MYOM1: variants seen among roughly 807,000 people sequenced by gnomAD.
MYOM1 encodes the protein myomesin 1, also known as myomesin-1.
A neutral mutation model predicts 205.3 loss-of-function variants in MYOM1; 164 were observed. The ratio of observed to expected loss-of-function variants is 0.80; its 90% confidence interval spans 0.70 to 0.91. The LOEUF is 0.91. Ranked by LOEUF, MYOM1 falls within the 40% of genes least tolerant of loss-of-function variation. The pLI is 0.00. For missense variants in MYOM1, 2,011 were observed against 2,127.3 expected (o/e 0.95, Z 1.08); for synonymous variants, 772 against 789.4 (o/e 0.98, Z 0.37).
At chr18:3,197,684 T>C (rs62076894) in intron 2 of MYOM1, among the ~76,000 whole-genome samples, 6,828 of 151,670 alleles carry the variant, frequency 0.045, 225 homozygotes, top group Middle Eastern at 0.078. Flanking sequence ...CCATCCTAGC[T>C]AACATGGTGA....
At chr18:3,140,491 C>T (rs911361685) in intron 14 of MYOM1, among the ~76,000 whole-genome samples, 3 of 151,804 alleles carry the variant, frequency 2.0e-5, no homozygotes, top group South Asian at 2.1e-4. Flanking sequence ...TAAATATTGT[C>T]TTTGTAAAAC....
chr18:3,116,255 TTTATC>T (rs2079603137), intron 21 of MYOM1, 71 bp downstream of exon 21: 1 of 1,451,390 alleles, frequency 6.9e-7, no homozygotes, highest in African/African-American at 1.4e-5. Context: ...GATATTCTGT[TTTATC>T]TTGCTAACTT....
intron 37 of MYOM1, among the ~76,000 whole-genome samples, chr18:3,068,519 C>T (rs1469026859): frequency 6.6e-6 from 1 of 152,052 alleles, no homozygotes; most frequent in African/African-American, 2.4e-5. Flanking sequence ...CTTTTATACC[C>T]ACACCCACCT....
chr18:3,185,906 A>G (rs2080802196), intron 5 of MYOM1, among the ~76,000 whole-genome samples: 1 of 152,198 alleles, frequency 6.6e-6, no homozygotes. Context: ...CTTAAGAACA[A>G]CCTTAGAAGC....
intron 2 of MYOM1, among the ~76,000 whole-genome samples, chr18:3,195,794 A>G (rs2080984864): frequency 6.6e-6 from 1 of 151,978 alleles, no homozygotes. Context: ...TTTATTACAT[A>G]GAATGTGCCA....
At chr18:3,133,586 T>C (rs1315553259) in intron 16 of MYOM1, among the ~76,000 whole-genome samples, 1 of 152,232 alleles carries the variant, frequency 6.6e-6, no homozygotes, top group Non-Finnish European at 1.5e-5. Context: ...AAAATTTCGA[T>C]ACTTTTTTCT....
At chr18:3,139,570 A>G (rs1306820560) in intron 14 of MYOM1, among the ~76,000 whole-genome samples, 1 of 152,208 alleles carries the variant, frequency 6.6e-6, no homozygotes, top group African/African-American at 2.4e-5. Flanking sequence ...TTCCCTTTAG[A>G]AAGGTTAGCA....
chr18:3,217,634 C>T (rs1453429152), intron 1 of MYOM1, among the ~76,000 whole-genome samples: 1 of 151,986 alleles, frequency 6.6e-6, no homozygotes, highest in Non-Finnish European at 1.5e-5. Context: ...TAGGTGAGAA[C>T]CATTGTACAC....
rs2079247985 is a variant in MYOM1 at position 3,093,024 on chromosome 18, C to T, written c.3864+1146G>A. The stretch of plus-strand genomic sequence containing the variant: ...CTGACCAGGTGGTGATCACAGCAGT[C>T]GAGGGAACATTTTGAAAGTGGAGAG... On this transcript the variant is annotated intron_variant, in intron 26 of 37. Coordinates refer to ENST00000356443, the MANE Select transcript of MYOM1 (RefSeq NM_003803.4). 1.3e-5 allele frequency among the ~76,000 whole-genome samples: 2 copies of T among 152,032 alleles called. 1 individual carries two copies. The highest frequency in any genetic ancestry group is 1.3e-4 in the Admixed American group (2 of 15,264).
chr18:3,089,079 G>A lies in MYOM1; in HGVS notation c.4137+95C>T, dbSNP rs2079189453. 5 of 732,290 alleles carry A rather than the reference G, an allele frequency of 6.8e-6. No homozygotes were observed. The East Asian group carries it at 1.1e-4, about 16-fold the overall frequency. 45.4% of individuals were successfully genotyped at this position (732,290 alleles called of 1,614,324 possible). On this transcript the variant is annotated intron_variant, in intron 29 of 37. Transcript: ENST00000356443. ...AATATGTGTCCCACTTATCATTTTG[G>A]CTCAGATGGAAGAGATGAAAAATTG...
chr18:3,181,562 T>A (rs1256433559), intron 5 of MYOM1, among the ~76,000 whole-genome samples: 1 of 152,158 alleles, frequency 6.6e-6, no homozygotes, highest in Non-Finnish European at 1.5e-5. Flanking sequence ...ACTCAATGCA[T>A]GATTCTATTA....
In MYOM1 at chr18:3,135,581, C is replaced by T. The variant is rs779301761; in HGVS notation, c.2175G>A (p.Glu725=). ...CCCCTACCACAGTCACCTCCGTTGC[C>T]TCTGAGGGCTCACCAACTCCTGCAG... ...SNSAGVGEPS[E]ATEVTVVGDK... is the part of the protein sequence containing the mutation. Residue 725 remains glutamate (E), a synonymous_variant, in exon 15 of 38, where the codon GAG becomes GAA. Transcript: ENST00000356443. The surrounding 1 kb of genome is among the most constrained non-coding windows in gnomAD (Gnocchi z 4.1). 1.9e-6 allele frequency: 3 copies of T among 1,613,786 alleles called. No individual in the cohort carries two copies. The South Asian group carries it at 3.3e-5, about 18-fold the overall frequency.
At chr18:3,078,733 A>G (rs2079048912) in intron 34 of MYOM1, among the ~76,000 whole-genome samples, 1 of 152,124 alleles carries the variant, frequency 6.6e-6, no homozygotes. Context: ...CCGGCAGACT[A>G]TTTTATTTTT....
chr18:3,108,851 T>G (rs1598678078), intron 22 of MYOM1, among the ~76,000 whole-genome samples: 1 of 152,028 alleles, frequency 6.6e-6, no homozygotes, highest in East Asian at 1.9e-4. Context: ...TGACAGCATT[T>G]CAGAATTTCT....
intron 18 of MYOM1, 62 bp from the exon 19 acceptor site, chr18:3,126,959 A>G: frequency 6.9e-7 from 1 of 1,441,434 alleles, no homozygotes; most frequent in South Asian, 1.3e-5. Context: ...ATATATAAAC[A>G]TTTCCATGGG....
chr18:3,113,753 A>T lies in MYOM1; in HGVS notation c.3304-1341T>A, dbSNP rs78852025. ...ACATGTGACTTTTAAAAGCTATGTT[A>T]TAAGAAGGAATTTATTACACAGAGG... On this transcript the variant is annotated intron_variant, in intron 21 of 37. Transcript: ENST00000356443. Among the ~76,000 whole-genome samples the T allele has an allele frequency of 6.6e-5, 10 of 152,082 alleles. No individual in the cohort carries two copies. The South Asian group carries it at 1.9e-3, about 28-fold the overall frequency.
intron 20 of MYOM1, among the ~76,000 whole-genome samples, chr18:3,119,622 G>A (rs942379128): frequency 3.9e-5 from 6 of 152,076 alleles, no homozygotes; most frequent in African/African-American, 9.7e-5. Context: ...CCTACTCCTC[G>A]CACAGGCTGA....
At chr18:3,068,903 G>C (rs1248504534) in intron 37 of MYOM1, among the ~76,000 whole-genome samples, 1 of 152,114 alleles carries the variant, frequency 6.6e-6, no homozygotes, top group Non-Finnish European at 1.5e-5. Context: ...TGGAATGTAT[G>C]ATAAATGCAT....
chr18:3,120,064 AT>A, intron 19 of MYOM1, 69 bp from the exon 20 acceptor site: 1 of 1,501,550 alleles, frequency 6.7e-7, no homozygotes. Context: ...CTTGTTGAGC[AT>A]TTTATTTATT....
Sources: allele counts gnomAD v4.1 joint callset (sites outside exome capture counted in the v4.1 genomes callset), GRCh38; gene constraint gnomAD v4.1.1; non-coding constraint Gnocchi (gnomAD v3.1); transcripts MANE v1.5; gene names NCBI Gene and HGNC (gene_info 2026-07-23, HGNC 2026-07-21).